SLC16A2: variants seen among roughly 807,000 people sequenced by gnomAD.
SLC16A2 encodes solute carrier family 16 member 2.
A neutral mutation model predicts 27.2 loss-of-function variants in SLC16A2; 3 were observed. The observed-to-expected ratio is 0.11, with a 90% CI of 0.05 to 0.28. The LOEUF is 0.28. Among genes scored for constraint, SLC16A2 ranks in the 10% least tolerant of loss-of-function variants. The pLI, the probability that SLC16A2 is intolerant of heterozygous loss-of-function variation, is 1.00. For missense variants in SLC16A2, 295 were observed against 458.5 expected, an observed-to-expected ratio of 0.64 and a Z score of 3.26; for synonymous variants, 202 against 187.8, an observed-to-expected ratio of 1.08 and a Z score of -0.62.
chrX:74,486,857 T>C (rs995896313), intron 1 of SLC16A2, among the ~76,000 whole-genome samples: 4 of 111,698 alleles, frequency 3.6e-5, no homozygotes, highest in Non-Finnish European at 7.5e-5. Flanking sequence ...AATGATAGAC[T>C]GGATTAAGAA....
At chrX:74,482,590 T>G (rs1021954208) in intron 1 of SLC16A2, among the ~76,000 whole-genome samples, 2 of 112,323 alleles carry the variant, frequency 1.8e-5, no homozygotes, top group Non-Finnish European at 3.8e-5. Context: ...TGATCTCTTC[T>G]ATGAATTTTT....
chrX:74,429,470 C>CAA (rs776083386), intron 1 of SLC16A2, among the ~76,000 whole-genome samples: 13 of 79,346 alleles, frequency 1.6e-4, no homozygotes, highest in Admixed American at 1.0e-3. Flanking sequence ...GACCCTGTCT[C>CAA]AAAAAAAAAA....
chrX:74,458,032 A>G (rs1186591151), intron 1 of SLC16A2, among the ~76,000 whole-genome samples: 1 of 111,997 alleles, frequency 8.9e-6, no homozygotes, highest in Non-Finnish European at 1.9e-5. Context: ...AATATTCCAC[A>G]AAACTAAACA....
At chrX:74,517,750 C>T (rs1284507334) in intron 1 of SLC16A2, among the ~76,000 whole-genome samples, 1 of 111,627 alleles carries the variant, frequency 9.0e-6, no homozygotes, top group Non-Finnish European at 1.9e-5. Context: ...AACTTGATAA[C>T]ATTTTCATTA....
intron 1 of SLC16A2, among the ~76,000 whole-genome samples, chrX:74,455,667 A>T (rs185948621): frequency 1.8e-4 from 20 of 110,909 alleles, no homozygotes; most frequent in African/African-American, 5.6e-4. Context: ...GCATGGTCAG[A>T]GGCCAGAGGA....
intron 1 of SLC16A2, among the ~76,000 whole-genome samples, chrX:74,424,919 C>T (rs12559757): frequency 0.026 from 2,880 of 111,848 alleles, 56 homozygotes; most frequent in Middle Eastern, 0.06. Context: ...AGTGCAGTGG[C>T]GCAGTCATAT....
At chrX:74,505,701 C>G (rs1243522844) in intron 1 of SLC16A2, among the ~76,000 whole-genome samples, 1 of 112,196 alleles carries the variant, frequency 8.9e-6, no homozygotes, top group Non-Finnish European at 1.9e-5. Context: ...ATTACCTTGT[C>G]ATCTGCCCCA....
chrX:74,506,924 T>C (rs1359799301), intron 1 of SLC16A2, among the ~76,000 whole-genome samples: 1 of 30,474 alleles, frequency 3.3e-5, no homozygotes, highest in African/African-American at 5.9e-5. Context: ...TTTATTTATT[T>C]ATTTATTTAT....
At chrX:74,468,157 T>G (rs1228464044) in intron 1 of SLC16A2, among the ~76,000 whole-genome samples, 1 of 111,640 alleles carries the variant, frequency 9.0e-6, no homozygotes, top group East Asian at 2.8e-4. Flanking sequence ...AATTCAATGG[T>G]TTTTAGTAAA....
At chrX:74,502,524 T>C (rs141096196) in intron 1 of SLC16A2, among the ~76,000 whole-genome samples, 1,328 of 112,519 alleles carry the variant, frequency 0.012, 12 homozygotes, top group Non-Finnish European at 0.02. Context: ...TGTGAGGCTC[T>C]CTGGATATTT....
chrX:74,443,069 C>G (rs1199889467), intron 1 of SLC16A2, among the ~76,000 whole-genome samples: 1 of 111,968 alleles, frequency 8.9e-6, no homozygotes, highest in Non-Finnish European at 1.9e-5. Context: ...TATTGAGAAC[C>G]TACTGCATGC....
chrX:74,517,277 AT>A lies in SLC16A2; in HGVS notation c.431-3704del, dbSNP rs773048897. 3.8e-3 allele frequency among the ~76,000 whole-genome samples: 422 copies of A among 111,401 alleles called. 1 individual carries two copies. Among genetic ancestry groups the A allele is most frequent in the African/African-American group, 0.01 (317 of 30,725 alleles). On this transcript the variant is annotated intron_variant, in intron 1 of 5. Coordinates refer to ENST00000587091, the MANE Select transcript of SLC16A2 (RefSeq NM_006517.5). ...ATCTATAGTTATTTCACAATTAAAA[AT>A]TTTTTTTTAAATGAAATAGATTAAT...
At chrX:74,428,854 A>C (rs1928473804) in intron 1 of SLC16A2, among the ~76,000 whole-genome samples, 2 of 111,970 alleles carry the variant, frequency 1.8e-5, no homozygotes, top group Non-Finnish European at 3.8e-5. Context: ...TGTCGTCATT[A>C]CTTGTATTCC....
At chrX:74,489,395 C>T (rs1028168226) in intron 1 of SLC16A2, among the ~76,000 whole-genome samples, 1 of 111,895 alleles carries the variant, frequency 8.9e-6, no homozygotes, top group African/African-American at 3.2e-5. Context: ...TATGACTAAT[C>T]TTGTATTCTG....
intron 5 of SLC16A2, among the ~76,000 whole-genome samples, chrX:74,530,396 G>A (rs1446106705): frequency 1.8e-5 from 2 of 111,865 alleles, no homozygotes; most frequent in African/African-American, 3.2e-5. Context: ...CACCACACCC[G>A]GCAACTCCAT....
chrX:74,449,809 G>T (rs1217819050), intron 1 of SLC16A2, among the ~76,000 whole-genome samples: 1 of 111,759 alleles, frequency 8.9e-6, no homozygotes, highest in East Asian at 2.8e-4. Context: ...ATTCATCCTG[G>T]TTGTGAGGAA....
chrX:74,453,527 A>G (rs1928983642), intron 1 of SLC16A2, among the ~76,000 whole-genome samples: 1 of 111,503 alleles, frequency 9.0e-6, no homozygotes, highest in Non-Finnish European at 1.9e-5. Context: ...TCAGAAGGTC[A>G]TATTTATTTT....
chrX:74,429,540 T>G (rs1318960895), intron 1 of SLC16A2, among the ~76,000 whole-genome samples: 1 of 110,864 alleles, frequency 9.0e-6, no homozygotes, highest in African/African-American at 3.3e-5. Flanking sequence ...TAGTTGCTCT[T>G]CTGCTTTTAC....
At chrX:74,468,194 C>A (rs768680340) in intron 1 of SLC16A2, among the ~76,000 whole-genome samples, 1 of 111,516 alleles carries the variant, frequency 9.0e-6, no homozygotes, top group Non-Finnish European at 1.9e-5. Context: ...ACCATTACCA[C>A]GATCAATTTT....
Sources: allele counts gnomAD v4.1 joint callset (sites outside exome capture counted in the v4.1 genomes callset), GRCh38; gene constraint gnomAD v4.1.1; transcripts MANE v1.5; gene names NCBI Gene and HGNC (gene_info 2026-07-23, HGNC 2026-07-21).